TAF3: variants seen among roughly 807,000 people sequenced by gnomAD.
TAF3 encodes the protein TATA-box binding protein associated factor 3.
TAF3 carries 7 observed loss-of-function variants against 80.6 expected under a neutral mutation model. The ratio of observed to expected loss-of-function variants is 0.09; its 90% CI spans 0.05 to 0.16. The LOEUF (loss-of-function observed/expected upper bound fraction) is 0.16. Ranked by LOEUF, TAF3 falls within the 10% of genes least tolerant of loss-of-function variation. The pLI, the probability that TAF3 is intolerant of heterozygous loss-of-function variation, is 1.00. For synonymous variants in TAF3, 444 were observed against 446.1 expected (o/e 1.00, Z 0.06); for missense variants, 921 against 1,140.2 (o/e 0.81, Z 2.77).
At chr10:7,832,427 G>A (rs1264616360) in intron 2 of TAF3, among the ~76,000 whole-genome samples, 1 of 152,082 alleles carries the variant, frequency 6.6e-6, no homozygotes, top group East Asian at 1.9e-4. Flanking sequence ...TGGGTACACA[G>A]TAAGTATAAA....
chr10:7,895,150 C>G (rs1285433606), intron 2 of TAF3, among the ~76,000 whole-genome samples: 3 of 152,212 alleles, frequency 2.0e-5, no homozygotes, highest in African/African-American at 7.2e-5. Flanking sequence ...CAGTCTGCCT[C>G]TCTTTGAAAG....
At chr10:7,974,131 CAT>C (rs1381919790) in intron 3 of TAF3, among the ~76,000 whole-genome samples, 3 of 78,494 alleles carry the variant, frequency 3.8e-5, no homozygotes, top group African/African-American at 1.4e-4. Context: ...CCTTCTGAAA[CAT>C]ACACACACAC....
chr10:7,901,316 C>T (rs1427768106), intron 2 of TAF3, among the ~76,000 whole-genome samples: 4 of 152,170 alleles, frequency 2.6e-5, no homozygotes, highest in African/African-American at 9.7e-5. Flanking sequence ...AGTAAAGGGT[C>T]TTTCTCAAAT....
chr10:7,978,306 C>A (rs1831693067), intron 4 of TAF3, among the ~76,000 whole-genome samples: 1 of 152,102 alleles, frequency 6.6e-6, no homozygotes, highest in African/African-American at 2.4e-5. Context: ...TGGTTCATTT[C>A]ATCTTAAAAG....
intron 2 of TAF3, among the ~76,000 whole-genome samples, chr10:7,884,274 T>A (rs1333113416): frequency 6.6e-6 from 1 of 152,182 alleles, no homozygotes; most frequent in East Asian, 1.9e-4. Flanking sequence ...TCCTTAGGCA[T>A]GTTGTCATTG....
chr10:7,989,546 G>C (rs1003073950), intron 4 of TAF3, among the ~76,000 whole-genome samples: 1 of 152,138 alleles, frequency 6.6e-6, no homozygotes, highest in Non-Finnish European at 1.5e-5. Context: ...ACGATATTGC[G>C]TAGTCAAATG....
chr10:8,007,006 C>G (rs1171545726), intron 4 of TAF3, among the ~76,000 whole-genome samples: 1 of 152,188 alleles, frequency 6.6e-6, no homozygotes, highest in Non-Finnish European at 1.5e-5. Flanking sequence ...AGTCCACAGG[C>G]TGGCAATTCC....
intron 2 of TAF3, among the ~76,000 whole-genome samples, chr10:7,859,347 A>G (rs994149604): frequency 5.9e-5 from 9 of 152,188 alleles, no homozygotes; most frequent in Non-Finnish European, 1.2e-4. Context: ...TTCTACATAT[A>G]CACATCCTGC....
chr10:7,851,335 T>C (rs887509612), intron 2 of TAF3, among the ~76,000 whole-genome samples: 4 of 152,026 alleles, frequency 2.6e-5, no homozygotes, highest in African/African-American at 9.7e-5. Context: ...ATGGCTGCGG[T>C]GTTTGGGCAC....
intron 2 of TAF3, among the ~76,000 whole-genome samples, chr10:7,827,345 A>G (rs1456778009): frequency 6.6e-6 from 1 of 152,132 alleles, no homozygotes; most frequent in Non-Finnish European, 1.5e-5. Flanking sequence ...TAACACATTT[A>G]TATAAAATTG....
intron 2 of TAF3, among the ~76,000 whole-genome samples, chr10:7,882,975 G>C (rs1564355612): frequency 6.6e-6 from 1 of 152,172 alleles, no homozygotes; most frequent in Non-Finnish European, 1.5e-5. Context: ...CAGACATCAT[G>C]CTCCTTTGTC....
At position 7,872,756 on chromosome 10, in the gene TAF3, A is replaced by G. The variant is rs548751835; in HGVS notation, c.409+48196A>G. On this transcript the variant is annotated intron_variant, in intron 2 of 6. Coordinates refer to ENST00000344293, the MANE Select transcript of TAF3 (RefSeq NM_031923.4). The stretch of plus-strand genomic sequence containing the variant: ...ATAATTTCTTTTTCACGCTGCCTTA[A>G]AATCATACAATTTTGATACAGATAT... 9.8e-4 allele frequency among the ~76,000 whole-genome samples: 149 copies of G among 152,346 alleles called. No individual in the cohort carries two copies. In the Middle Eastern group the frequency reaches 0.01, roughly 10 times the overall value.
intron 2 of TAF3, among the ~76,000 whole-genome samples, chr10:7,830,045 C>T (rs1836782809): frequency 6.6e-6 from 1 of 151,942 alleles, no homozygotes; most frequent in African/African-American, 2.4e-5. Flanking sequence ...CCTTCCTCCC[C>T]CTTCCCAAGA....
chr10:7,952,134 A>C (rs146248273), intron 2 of TAF3, among the ~76,000 whole-genome samples: 1 of 152,230 alleles, frequency 6.6e-6, no homozygotes, highest in African/African-American at 2.4e-5. Flanking sequence ...TTTGATTTGC[A>C]CAAAGGGCCT....
chr10:7,841,735 A>G (rs1333599913), intron 2 of TAF3, among the ~76,000 whole-genome samples: 2 of 152,160 alleles, frequency 1.3e-5, no homozygotes, highest in Non-Finnish European at 2.9e-5. Context: ...TACAGAGAGG[A>G]GCCTAGGTTT....
chr10:7,925,808 A>AAAAAG (rs567282745), intron 2 of TAF3, among the ~76,000 whole-genome samples: 2 of 140,890 alleles, frequency 1.4e-5, no homozygotes, highest in African/African-American at 5.1e-5. Flanking sequence ...CAAAAAAAAA[A>AAAAAG]AAAAGAAAAG....
intron 2 of TAF3, among the ~76,000 whole-genome samples, chr10:7,884,043 T>G (rs1373252810): frequency 6.6e-6 from 1 of 152,118 alleles, no homozygotes; most frequent in Non-Finnish European, 1.5e-5. Flanking sequence ...CATCCATCTG[T>G]GAGTGGATTA....
chr10:7,908,599 G>C (rs976414214), intron 2 of TAF3, among the ~76,000 whole-genome samples: 1 of 152,132 alleles, frequency 6.6e-6, no homozygotes, highest in African/African-American at 2.4e-5. Context: ...GTTACCGAGC[G>C]CTTCTGAAGG....
In TAF3 at chr10:7,947,935, A is replaced by G. The variant is rs577476958; in HGVS notation, c.410-15985A>G. 5.0e-4 allele frequency among the ~76,000 whole-genome samples: 76 copies of G among 152,344 alleles called. No individual in the cohort carries two copies. The Middle Eastern group carries it at 0.014, about 27-fold the overall frequency. On this transcript the variant is annotated intron_variant, in intron 2 of 6. Transcript: ENST00000344293. ...GCCAACAGTCTAACTGAAATCACCC[A>G]TGTACAGACAGGAAATGACGTTCAC...
Sources: allele counts gnomAD v4.1 joint callset (sites outside exome capture counted in the v4.1 genomes callset), GRCh38; gene constraint gnomAD v4.1.1; transcripts MANE v1.5; gene names NCBI Gene and HGNC (gene_info 2026-07-23, HGNC 2026-07-21).